The following LRRC37A2 variants were observed in gnomAD, a reference collection of about 807,000 sequenced individuals.
The protein encoded by LRRC37A2 is leucine-rich repeat-containing protein 37A2.
In LRRC37A2, 9 loss-of-function variants were observed where a neutral mutation model predicts 68.8. The observed-to-expected ratio is 0.13, with a 90% CI of 0.08 to 0.23. The LOEUF is 0.23. Ranked by LOEUF, LRRC37A2 falls within the 10% of genes least tolerant of loss-of-function variation. LRRC37A2 has a pLI of 1.00. For missense variants in LRRC37A2, 168 were observed against 950.4 expected, an observed-to-expected ratio of 0.18 and a Z score of 10.82; for synonymous variants, 63 against 367.6, an observed-to-expected ratio of 0.17 and a Z score of 9.48.
the LRRC37A2 span, chr17:46,978,960 G>A: frequency 6.9e-7 from 1 of 1,452,700 alleles, no homozygotes; most frequent in South Asian, 1.3e-5. Context: ...CGCCGCCCAC[G>A]CCGTCCACCT....
the LRRC37A2 span, among the ~76,000 whole-genome samples, chr17:46,852,609 T>A: frequency 6.6e-6 from 1 of 151,954 alleles, no homozygotes; most frequent in Non-Finnish European, 1.5e-5. Flanking sequence ...TTGCAGGGAT[T>A]TGGTGAGGGA....
At chr17:47,021,894 G>A in the LRRC37A2 span, 1 of 1,530,518 alleles carries the variant, frequency 6.5e-7, no homozygotes, top group East Asian at 2.2e-5. Flanking sequence ...GGAAATGTAT[G>A]GAAAGTGTAC....
the LRRC37A2 span, among the ~76,000 whole-genome samples, chr17:46,911,165 G>A: frequency 6.6e-6 from 1 of 152,200 alleles, no homozygotes; most frequent in African/African-American, 2.4e-5. Flanking sequence ...CATAGAATGG[G>A]TAGTATTGCT....
chr17:46,550,722 C>G (rs570576616), intron 11 of LRRC37A2, among the ~76,000 whole-genome samples: 1 of 135,776 alleles, frequency 7.4e-6, no homozygotes, highest in African/African-American at 3.0e-5. Flanking sequence ...GCTTTCAGAT[C>G]TCTGTGAATT....
At chr17:46,748,589 C>T in the LRRC37A2 span, among the ~76,000 whole-genome samples, 1 of 152,162 alleles carries the variant, frequency 6.6e-6, no homozygotes, top group Non-Finnish European at 1.5e-5. Context: ...AAAAGGAAGG[C>T]TGGGATACAG....
the LRRC37A2 span, chr17:46,932,047 T>A: frequency 1.2e-6 from 2 of 1,611,534 alleles, no homozygotes; most frequent in African/African-American, 2.7e-5. Flanking sequence ...GAATTTAATC[T>A]CTCTCTCCAT....
chr17:47,006,845 A>G, the LRRC37A2 span, among the ~76,000 whole-genome samples: 1 of 152,240 alleles, frequency 6.6e-6, no homozygotes, highest in African/African-American at 2.4e-5. Flanking sequence ...GTGGGCAGAA[A>G]AGGACTTAGA....
chr17:46,954,246 C>T, the LRRC37A2 span, among the ~76,000 whole-genome samples: 1 of 152,322 alleles, frequency 6.6e-6, no homozygotes, highest in Non-Finnish European at 1.5e-5. Flanking sequence ...TTTCAGCTTT[C>T]TACATATGGC....
chr17:46,969,125 G>A, the LRRC37A2 span, among the ~76,000 whole-genome samples: 8 of 152,286 alleles, frequency 5.3e-5, no homozygotes, highest in South Asian at 2.1e-4. Context: ...AGCCGATCTC[G>A]CTCTGGCTCC....
chr17:46,757,415 T>C, the LRRC37A2 span: 3 of 152,584 alleles, frequency 2.0e-5, no homozygotes, highest in East Asian at 5.8e-4. Context: ...TGAAAAAATA[T>C]TGTTTAATGC....
At chr17:46,832,043 A>G in the LRRC37A2 span, among the ~76,000 whole-genome samples, 5 of 152,190 alleles carry the variant, frequency 3.3e-5, no homozygotes, top group African/African-American at 1.2e-4. Context: ...CAGCCTCGTG[A>G]GGCCCGCGTG....
At chr17:46,716,261 CT>C in the LRRC37A2 span, among the ~76,000 whole-genome samples, 49 of 143,718 alleles carry the variant, frequency 3.4e-4, no homozygotes, top group Admixed American at 5.5e-4. Flanking sequence ...CTTGCCCCTC[CT>C]TTTTTTTTTT....
At chr17:46,493,711 G>C in the LRRC37A2 span, among the ~76,000 whole-genome samples, 6 of 149,402 alleles carry the variant, frequency 4.0e-5, no homozygotes, top group African/African-American at 1.5e-4. Flanking sequence ...CTAATTTTTT[G>C]TATTTTTAGT....
chr17:46,983,524 C>T, the LRRC37A2 span, among the ~76,000 whole-genome samples: 1 of 152,020 alleles, frequency 6.6e-6, no homozygotes, highest in Non-Finnish European at 1.5e-5. Context: ...GAACTCCTGA[C>T]CTCAGATGAT....
the LRRC37A2 span, among the ~76,000 whole-genome samples, chr17:46,764,880 G>A: frequency 6.6e-6 from 1 of 152,338 alleles, no homozygotes; most frequent in Non-Finnish European, 1.5e-5. Flanking sequence ...ACCTCTAGCT[G>A]AGGGCCTTGG....
chr17:46,881,168 C>T, the LRRC37A2 span, among the ~76,000 whole-genome samples: 17 of 152,328 alleles, frequency 1.1e-4, no homozygotes, highest in South Asian at 2.7e-3. Context: ...CTGGCTCAGG[C>T]CTGCCCTGCC....
chr17:46,456,260 G>A, the LRRC37A2 span, among the ~76,000 whole-genome samples: 1 of 104,706 alleles, frequency 9.6e-6, no homozygotes, highest in East Asian at 2.6e-4. Flanking sequence ...ACACATATAT[G>A]ATATATAATA....
At chr17:46,754,585 G>A in the LRRC37A2 span, among the ~76,000 whole-genome samples, 3 of 152,162 alleles carry the variant, frequency 2.0e-5, no homozygotes, top group Non-Finnish European at 4.4e-5. Flanking sequence ...GTGGGCCTAC[G>A]AGAATAAAGT....
the LRRC37A2 span, among the ~76,000 whole-genome samples, chr17:46,746,115 A>G: frequency 6.6e-6 from 1 of 152,152 alleles, no homozygotes; most frequent in Non-Finnish European, 1.5e-5. Context: ...TCTATTTTGC[A>G]TCTGTCTTTC....
Sources: allele counts gnomAD v4.1 joint callset (sites outside exome capture counted in the v4.1 genomes callset), GRCh38; gene constraint gnomAD v4.1.1; transcripts MANE v1.5; gene names NCBI Gene and HGNC (gene_info 2026-07-23, HGNC 2026-07-21).